The following SHROOM4 variants were observed in gnomAD, a reference collection of about 807,000 sequenced individuals.
SHROOM4 encodes protein Shroom4.
Under a neutral mutation model 80.3 loss-of-function variants are expected in SHROOM4, and 17 were observed. That is an observed-to-expected ratio of 0.21 (90% confidence interval 0.14 to 0.32). The LOEUF (loss-of-function observed/expected upper bound fraction) is 0.32. SHROOM4 is among the 10% of genes least tolerant of loss of function. The pLI is 1.00. For missense variants in SHROOM4, 993 were observed against 1,140.3 expected (o/e 0.87, Z 1.86); for synonymous variants, 400 against 437.5 (o/e 0.91, Z 1.07).
intron 3 of SHROOM4, among the ~76,000 whole-genome samples, chrX:50,637,683 G>A (rs782140385): frequency 3.6e-5 from 4 of 112,334 alleles, no homozygotes; most frequent in Non-Finnish European, 7.5e-5. Flanking sequence ...TGAAGAAAAC[G>A]TTGTCTGCCT....
chrX:50,736,989 T>C lies in SHROOM4; in HGVS notation c.118-41052A>G, dbSNP rs188754373. On this transcript the variant is annotated intron_variant, in intron 1 of 8. Transcript: ENST00000376020. ...TATAAGTATTCTGTAGAATGAAATA[T>C]GTACTAAAGTTGCATCTTGGATTTT... Among the ~76,000 whole-genome samples the C allele has an allele frequency of 1.2e-4, 13 of 112,458 alleles. No individual in the cohort carries two copies. In the East Asian group the frequency reaches 2.8e-3, roughly 24 times the overall value.
the SHROOM4 span, among the ~76,000 whole-genome samples, chrX:50,575,982 G>A: frequency 9.0e-6 from 1 of 111,599 alleles, no homozygotes; most frequent in Non-Finnish European, 1.9e-5. Flanking sequence ...TTTGTGGGGG[G>A]AATCACCCCC....
At chrX:50,731,085 A>C (rs1169108069) in intron 1 of SHROOM4, among the ~76,000 whole-genome samples, 1 of 111,219 alleles carries the variant, frequency 9.0e-6, no homozygotes, top group African/African-American at 3.3e-5. Context: ...TGGGAGATTG[A>C]GTTCTGGCAT....
chrX:50,768,233 G>C (rs782531093), intron 1 of SHROOM4, among the ~76,000 whole-genome samples: 9 of 111,918 alleles, frequency 8.0e-5, no homozygotes, highest in Non-Finnish European at 1.5e-4. Flanking sequence ...TTTTGTGAAA[G>C]ACTTGGATAC....
At chrX:50,705,989 TACACACACACACACACACACACACAC>T (rs56363612) in intron 1 of SHROOM4, among the ~76,000 whole-genome samples, 1 of 74,385 alleles carries the variant, frequency 1.3e-5, no homozygotes. Flanking sequence ...TCTCATCCTC[TACACACACACACACACACACACACAC>T]ACACACACAC....
intron 2 of SHROOM4, among the ~76,000 whole-genome samples, chrX:50,685,683 G>A (rs1299931776): frequency 8.9e-6 from 1 of 111,736 alleles, no homozygotes; most frequent in Non-Finnish European, 1.9e-5. Context: ...TGTGGCCTTA[G>A]GAAAGTCCTT....
chrX:50,661,444 C>T (rs782258401), intron 2 of SHROOM4, among the ~76,000 whole-genome samples: 28 of 111,558 alleles, frequency 2.5e-4, no homozygotes, highest in South Asian at 1.5e-3. Context: ...GTAATCTGCC[C>T]GCCTCGGCCT....
At position 50,671,488 on chromosome X, in the gene SHROOM4, T is replaced by C. The variant is rs781957665; in HGVS notation, c.269+24298A>G. On this transcript the variant is annotated intron_variant, in intron 2 of 8. Coordinates refer to ENST00000376020, the MANE Select transcript of SHROOM4 (RefSeq NM_020717.5). ...GATCTTAGCTAGATCTTCTGGATAA[T>C]TTGCTGCAGCTTCTACATCAGCACT... 1.1e-4 allele frequency among the ~76,000 whole-genome samples: 12 copies of C among 112,394 alleles called. 1 individual carries two copies. The South Asian group carries it at 4.1e-3, about 38-fold the overall frequency.
At chrX:50,678,649 C>T (rs1270196355) in intron 2 of SHROOM4, among the ~76,000 whole-genome samples, 1 of 111,151 alleles carries the variant, frequency 9.0e-6, no homozygotes, top group Non-Finnish European at 1.9e-5. Flanking sequence ...TTTTTCTAAC[C>T]ACATGTTTTG....
At chrX:50,576,922 A>G in the SHROOM4 span, among the ~76,000 whole-genome samples, 1 of 112,105 alleles carries the variant, frequency 8.9e-6, no homozygotes, top group Admixed American at 9.5e-5. Context: ...TAAGAACACA[A>G]TCAGACAATA....
At chrX:50,602,314 A>C (rs1274753485) in intron 7 of SHROOM4, among the ~76,000 whole-genome samples, 1 of 108,612 alleles carries the variant, frequency 9.2e-6, no homozygotes, top group Non-Finnish European at 1.9e-5. Context: ...CTGTTCTCAA[A>C]CTCCTGACCT....
At chrX:50,672,251 G>A in intron 2 of SHROOM4, among the ~76,000 whole-genome samples, 1 of 111,847 alleles carries the variant, frequency 8.9e-6, no homozygotes, top group South Asian at 3.7e-4. Flanking sequence ...AATATTGTGA[G>A]AATTACATGT....
chrX:50,674,616 G>A (rs1932832976), intron 2 of SHROOM4, among the ~76,000 whole-genome samples: 1 of 111,473 alleles, frequency 9.0e-6, no homozygotes. Context: ...TAATGTAAAT[G>A]TAAAACTATA....
intron 2 of SHROOM4, among the ~76,000 whole-genome samples, chrX:50,689,916 T>G (rs190810263): frequency 2.7e-5 from 3 of 112,029 alleles, no homozygotes; most frequent in Admixed American, 1.9e-4. Context: ...CTTAGAGCAG[T>G]CTGTCAGGTT....
At chrX:50,650,870 T>C (rs1932024667) in intron 2 of SHROOM4, among the ~76,000 whole-genome samples, 2 of 112,222 alleles carry the variant, frequency 1.8e-5, no homozygotes, top group South Asian at 3.7e-4. Flanking sequence ...TTTTTCCACA[T>C]AATTTTGCTG....
Position 50,587,480 on chromosome X carries a change from A to G in SHROOM4, c.*9215T>C, listed in dbSNP as rs1250570572. Reference sequence around the variant, plus strand: ...TTCTCTGGTGAAAATTAATGCAAAAAATATTTTAGTTACTGCAGTAGCAAA... The same window carrying G: ...TTCTCTGGTGAAAATTAATGCAAAAGATATTTTAGTTACTGCAGTAGCAAA... On this transcript the variant is annotated 3_prime_UTR_variant, in exon 9 of 9. Transcript: ENST00000376020. 8.9e-6 allele frequency among the ~76,000 whole-genome samples: 1 copy of G among 112,273 alleles called. No individual in the cohort carries two copies. Among genetic ancestry groups the G allele is most frequent in the African/African-American group, 3.2e-5 (1 of 30,894 alleles).
At chrX:50,632,478 G>C (rs1196362369) in intron 4 of SHROOM4, among the ~76,000 whole-genome samples, 1 of 111,754 alleles carries the variant, frequency 8.9e-6, no homozygotes, top group Non-Finnish European at 1.9e-5. Context: ...AGTAGCCTGG[G>C]GGATGGTGGT....
At chrX:50,696,891 C>T (rs1933384446) in intron 1 of SHROOM4, among the ~76,000 whole-genome samples, 1 of 111,981 alleles carries the variant, frequency 8.9e-6, no homozygotes, top group South Asian at 3.8e-4. Flanking sequence ...AGCAGAATGT[C>T]TCTGGGGGTC....
At chrX:50,791,718 A>T (rs1935856789) in intron 1 of SHROOM4, among the ~76,000 whole-genome samples, 1 of 107,748 alleles carries the variant, frequency 9.3e-6, no homozygotes, top group African/African-American at 3.4e-5. Context: ...TTTTTACAGA[A>T]ATAGGAAAAA....
Sources: allele counts gnomAD v4.1 joint callset (sites outside exome capture counted in the v4.1 genomes callset), GRCh38; gene constraint gnomAD v4.1.1; transcripts MANE v1.5; gene names NCBI Gene and HGNC (gene_info 2026-07-23, HGNC 2026-07-21).